Variants in TEX55 observed in about 807,000 individuals in gnomAD.
TEX55 encodes the protein testis expressed 55, also known as testis-specific expressed protein 55.
A neutral mutation model predicts 44.6 loss-of-function variants in TEX55; 31 were observed. The ratio of observed to expected loss-of-function variants is 0.69; its 90% CI spans 0.52 to 0.94. The LOEUF is 0.94. TEX55 is among the 40% of genes least tolerant of loss of function. The pLI is 0.00. For missense variants in TEX55, 639 were observed against 638.4 expected (o/e 1.00, Z -0.01); for synonymous variants, 230 against 230.9 (o/e 1.00, Z 0.04).
intron 2 of TEX55, among the ~76,000 whole-genome samples, chr3:119,149,288 T>C (rs916242041): frequency 5.3e-5 from 8 of 152,162 alleles, no homozygotes; most frequent in African/African-American, 1.9e-4. Flanking sequence ...TTTTCTACTT[T>C]TTAAACATTT....
rs111772696 is a variant in TEX55 at position 119,147,010 on chromosome 3, C to T, written c.821C>T (p.Thr274Ile). 1,034 of 1,614,210 alleles carry T rather than the reference C, an allele frequency of 6.4e-4. 5 individuals carry two copies. The African/African-American group carries it at 0.012, about 18-fold the overall frequency. ...GKVRRRSSEK[T>I]DYRLAGLADP... ...GTTAGGAGAAGAAGTTCTGAGAAGA[C>T]TGACTACAGATTGGCTGGCCTGGCT... The change falls in exon 1 of 3, where the codon ACT becomes ATT. Residue 274 changes from threonine (T) to isoleucine (I), a missense_variant. Coordinates refer to ENST00000295622, the MANE Select transcript of TEX55 (RefSeq NM_152539.3).
chr3:119,146,347 A>G lies in TEX55; in HGVS notation c.158A>G (p.Asp53Gly). The G allele has an allele frequency of 6.2e-7, 1 of 1,614,184 alleles. No homozygotes were observed. The change falls in exon 1 of 3, where the codon GAC becomes GGC. Residue 53 changes from aspartate to glycine, a missense_variant. Coordinates refer to ENST00000295622, the MANE Select transcript of TEX55 (RefSeq NM_152539.3). ...AACCACACTGCTCACAGAATAGCTGACCAGACTGCCCTAAGAGTGCCTAGC... is the reference window on the plus strand; with the variant it reads ...AACCACACTGCTCACAGAATAGCTGGCCAGACTGCCCTAAGAGTGCCTAGC... ...ADNHTAHRIADQTALRVPSQA... is the reference protein window; with the variant it reads ...ADNHTAHRIAGQTALRVPSQA...
At chr3:119,147,658 A>T in intron 1 of TEX55, 71 bp downstream of exon 1, 2 of 1,305,142 alleles carry the variant, frequency 1.5e-6, no homozygotes, top group Non-Finnish European at 2.1e-6. Context: ...GAGTAAAAAT[A>T]GGGGTACAAC....
At chr3:119,149,049 A>G (rs2077757559) in intron 2 of TEX55, among the ~76,000 whole-genome samples, 1 of 152,172 alleles carries the variant, frequency 6.6e-6, no homozygotes, top group African/African-American at 2.4e-5. Context: ...GACTTTAGAA[A>G]CATTATACAG....
rs147607543 is a variant in TEX55, at chr3:119,146,997, A to T, written c.808A>T (p.Ser270Cys). ...AATGTCAGGGAAAGTTAGGAGAAGAAGTTCTGAGAAGACTGACTACAGATT... is the reference window on the plus strand; with the variant it reads ...AATGTCAGGGAAAGTTAGGAGAAGATGTTCTGAGAAGACTGACTACAGATT... ...RRMSGKVRRR[S>C]SEKTDYRLAG... Residue 270 changes from serine to cysteine, a missense_variant, in exon 1 of 3, where the codon AGT (serine) becomes TGT (cysteine). Coordinates refer to ENST00000295622, the MANE Select transcript of TEX55 (RefSeq NM_152539.3). 3.1e-4 allele frequency: 505 copies of T among 1,614,200 alleles called. 3 individuals are homozygous for T. In the African/African-American group the frequency reaches 5.9e-3, roughly 19 times the overall value.
At position 119,147,509 on chromosome 3, in the gene TEX55, C is replaced by T. The variant is rs1469062030; in HGVS notation, c.1320C>T (p.Phe440=). 6.2e-6 allele frequency: 10 copies of T among 1,613,984 alleles called. No homozygotes were observed. The highest frequency in any genetic ancestry group is 1.3e-5 in the African/African-American group (1 of 74,912). The stretch of plus-strand genomic sequence containing the variant: ...TCCAAGCAAAAGACCAAGCTCTTTT[C>T]CCAAGACTCCCCTCCATCTCATCCA... ...SNFQAKDQAL[F]PRLPSISSKL... Residue 440 remains phenylalanine, a synonymous_variant, in exon 1 of 3, where the codon TTC becomes TTT. Transcript: ENST00000295622.
intron 1 of TEX55, 52 bp from the exon 2 acceptor site, chr3:119,148,128 T>G: frequency 6.6e-7 from 1 of 1,517,650 alleles, no homozygotes; most frequent in Non-Finnish European, 9.0e-7. Flanking sequence ...TGACAATTCC[T>G]AGGCCCTTCA....
chr3:119,148,976 C>T (rs2077757106), intron 2 of TEX55, among the ~76,000 whole-genome samples: 1 of 152,148 alleles, frequency 6.6e-6, no homozygotes, highest in African/African-American at 2.4e-5. Context: ...GGAAGTTGCT[C>T]TGAGCGAGTC....
Position 119,146,853 on chromosome 3 carries a change from CCTT to C in TEX55, c.667_669del (p.Ser223del). On this transcript the variant is annotated inframe_deletion, in exon 1 of 3. Transcript: ENST00000295622. ...ATTATCCAAACTATCTGAGAGAAGACCTTCTGTGCAGATTGACAGTGGGTCATC... is the reference window on the plus strand; with the variant it reads ...ATTATCCAAACTATCTGAGAGAAGACCTGTGCAGATTGACAGTGGGTCATC... 4.3e-6 allele frequency: 7 copies of C among 1,614,218 alleles called. No homozygotes were observed. The highest frequency in any genetic ancestry group is 5.9e-6 in the Non-Finnish European group (7 of 1,180,030).
rs2077730086 is a variant in TEX55, at chr3:119,146,741, C to G, written c.552C>G (p.Gly184=). The change falls in exon 1 of 3, where the codon GGC becomes GGG. Residue 184 remains glycine (G), a synonymous_variant. Coordinates refer to ENST00000295622, the MANE Select transcript of TEX55 (RefSeq NM_152539.3). ...GSRQTDHRMA[G]QSERRASEQM... is the part of the protein sequence containing the mutation. ...GACAGACCGACCACAGAATGGCAGG[C>G]CAGTCTGAGAGAAGAGCTTCCGAGC... is the stretch of plus-strand genomic sequence containing the variant. 6.2e-7 allele frequency: 1 copy of G among 1,613,988 alleles called. No individual in the cohort carries two copies. The highest frequency in any genetic ancestry group is 1.3e-5 in the African/African-American group (1 of 74,906).
rs777297215 is a variant in TEX55 at position 119,146,332 on chromosome 3, C to T, written c.143C>T (p.Ala48Val). Residue 48 changes from alanine to valine, a missense_variant, in exon 1 of 3, where the codon GCT (alanine) becomes GTT (valine). Physicochemically the swap from Ala to Val is moderately conservative, Grantham distance 64. Coordinates refer to ENST00000295622, the MANE Select transcript of TEX55 (RefSeq NM_152539.3). Reference sequence around the variant, plus strand: ...GAAAGGAAGGCAGATAACCACACTGCTCACAGAATAGCTGACCAGACTGCC... The same window carrying T: ...GAAAGGAAGGCAGATAACCACACTGTTCACAGAATAGCTGACCAGACTGCC... ...QAERKADNHT[A>V]HRIADQTALR... 1 of 1,614,184 alleles carries T rather than the reference C, an allele frequency of 6.2e-7. No individual in the cohort carries two copies. Among genetic ancestry groups the T allele is most frequent in the Non-Finnish European group, 8.5e-7 (1 of 1,180,022 alleles).
intron 2 of TEX55, among the ~76,000 whole-genome samples, chr3:119,150,409 T>C (rs778661867): frequency 6.6e-6 from 1 of 152,092 alleles, no homozygotes; most frequent in African/African-American, 2.4e-5. Flanking sequence ...CAGAAATAGA[T>C]ATAAAATACA....
chr3:119,150,107 T>G (rs183751608), intron 2 of TEX55, among the ~76,000 whole-genome samples: 374 of 152,338 alleles, frequency 2.5e-3, no homozygotes, highest in African/African-American at 8.4e-3. Flanking sequence ...TTAACTTTTG[T>G]GAACCTAAGA....
At chr3:119,149,745 A>G (rs960874589) in intron 2 of TEX55, among the ~76,000 whole-genome samples, 21 of 152,208 alleles carry the variant, frequency 1.4e-4, no homozygotes, top group African/African-American at 4.6e-4. Flanking sequence ...TTTCAACTCC[A>G]TTAAAATCTT....
Position 119,146,721 on chromosome 3 carries a change from ACCGACCACAGAATGGCAGG to A in TEX55, c.535_553del (p.Asp179SerfsTer120). On this transcript the variant is annotated frameshift_variant, in exon 1 of 3. Transcript: ENST00000295622. LOFTEE classifies it high-confidence loss of function. ...ATCTGACCAGAGAGGTTCCAGACAG[ACCGACCACAGAATGGCAGG>A]CCAGTCTGAGAGAAGAGCTTCCGAG... The A allele has an allele frequency of 6.2e-7, 1 of 1,614,244 alleles. No homozygotes were observed. The highest frequency in any genetic ancestry group is 8.5e-7 in the Non-Finnish European group (1 of 1,180,034).
In TEX55 at chr3:119,146,713, C is replaced by G. The variant is rs755750043; in HGVS notation, c.524C>G (p.Ser175Cys). The change falls in exon 1 of 3, where the codon TCC (serine) becomes TGC (cysteine). Residue 175 changes from serine to cysteine, a missense_variant. By Grantham distance (112) the Ser-to-Cys change is moderately radical. Coordinates refer to ENST00000295622, the MANE Select transcript of TEX55 (RefSeq NM_152539.3). Reference sequence around the variant, plus strand: ...GCTATGCCATCTGACCAGAGAGGTTCCAGACAGACCGACCACAGAATGGCA... The same window carrying G: ...GCTATGCCATCTGACCAGAGAGGTTGCAGACAGACCGACCACAGAATGGCA... Reference protein sequence around the residue: ...RLAMPSDQRGSRQTDHRMAGQ... With the variant: ...RLAMPSDQRGCRQTDHRMAGQ... 1.2e-6 allele frequency: 2 copies of G among 1,614,224 alleles called. No homozygotes were observed. Among genetic ancestry groups the G allele is most frequent in the African/African-American group, 2.7e-5 (2 of 75,058 alleles).
rs763885061 is a variant in TEX55, at chr3:119,146,906, T to C, written c.717T>C (p.Ser239=). ...GSSVPSDQSP[S]VQIDSGSSVP... Reference sequence around the variant, plus strand: ...CCGTCCCATCTGACCAAAGTCCTTCTGTACAGATTGACAGTGGATCGTCCG... The same window carrying C: ...CCGTCCCATCTGACCAAAGTCCTTCCGTACAGATTGACAGTGGATCGTCCG... The change falls in exon 1 of 3, where the codon TCT becomes TCC. Residue 239 remains serine (S), a synonymous_variant. Coordinates refer to ENST00000295622, the MANE Select transcript of TEX55 (RefSeq NM_152539.3). 1 of 1,614,088 alleles carries C rather than the reference T, an allele frequency of 6.2e-7. No individual in the cohort carries two copies. Among genetic ancestry groups the C allele is most frequent in the Non-Finnish European group, 8.5e-7 (1 of 1,179,910 alleles).
chr3:119,148,524 T>C (rs993617373), intron 2 of TEX55, among the ~76,000 whole-genome samples: 1 of 152,170 alleles, frequency 6.6e-6, no homozygotes, highest in Non-Finnish European at 1.5e-5. Context: ...TCAGGTAGGT[T>C]GGTTGATAGG....
intron 1 of TEX55, 97 bp downstream of exon 1, chr3:119,147,684 G>T: frequency 9.8e-7 from 1 of 1,016,164 alleles, no homozygotes; most frequent in Non-Finnish European, 1.4e-6. Context: ...GGCACATGTT[G>T]CATCAAGGAT....
Sources: gnomAD v4.1 joint callset for allele counts (sites outside exome capture counted in the v4.1 genomes callset) on GRCh38, gnomAD v4.1.1 for gene constraint, MANE v1.5 for transcripts, NCBI Gene and HGNC (gene_info 2026-07-23, HGNC 2026-07-21) for gene names.